KLRG1: variants seen among roughly 807,000 people sequenced by gnomAD.
KLRG1 encodes killer cell lectin-like receptor subfamily G member 1.
KLRG1 carries 16 observed loss-of-function variants against 21.8 expected under a neutral mutation model. That is an observed-to-expected ratio of 0.73 (90% CI 0.50 to 1.11). The LOEUF (loss-of-function observed/expected upper bound fraction) is 1.11. KLRG1 is among the 50% of genes most tolerant of loss of function. The pLI, the probability that KLRG1 is intolerant of heterozygous loss-of-function variation, is 0.00. For synonymous variants in KLRG1, 69 were observed against 75.9 expected, an observed-to-expected ratio of 0.91 and a Z score of 0.47; for missense variants, 173 against 218.3, an observed-to-expected ratio of 0.79 and a Z score of 1.31.
At chr12:8,995,021 G>T in intron 2 of KLRG1, 98 bp from the exon 3 acceptor site, 2 of 1,099,950 alleles carry the variant, frequency 1.8e-6, no homozygotes, top group Non-Finnish European at 2.6e-6. Context: ...TGGTGGAGCA[G>T]GGAAGACCCA....
At chr12:9,196,069 A>G in the KLRG1 span, among the ~76,000 whole-genome samples, 2 of 152,198 alleles carry the variant, frequency 1.3e-5, no homozygotes, top group Non-Finnish European at 2.9e-5. Flanking sequence ...AAGAGGTTTG[A>G]TATAACAACT....
At chr12:9,077,928 G>C in the KLRG1 span, 1 of 1,579,636 alleles carries the variant, frequency 6.3e-7, no homozygotes, top group Non-Finnish European at 8.7e-7. Flanking sequence ...ACAGCAACAG[G>C]CTTCATATGA....
the KLRG1 span, among the ~76,000 whole-genome samples, chr12:9,210,683 T>C: frequency 6.6e-6 from 1 of 152,186 alleles, no homozygotes; most frequent in African/African-American, 2.4e-5. Flanking sequence ...ATACCATTAC[T>C]GGAAAGGAAA....
chr12:8,983,688 G>A (rs766843696), intron 1 of KLRG1, among the ~76,000 whole-genome samples: 15 of 151,966 alleles, frequency 9.9e-5, no homozygotes, highest in Admixed American at 2.6e-4. Flanking sequence ...GCCGTGAACC[G>A]CCGTGCCTGG....
chr12:9,146,609 G>A, the KLRG1 span, among the ~76,000 whole-genome samples: 1 of 151,888 alleles, frequency 6.6e-6, no homozygotes, highest in African/African-American at 2.4e-5. Flanking sequence ...ACAAAGGAAG[G>A]CACCTCTCCC....
At chr12:9,096,392 T>A in the KLRG1 span, among the ~76,000 whole-genome samples, 1 of 152,200 alleles carries the variant, frequency 6.6e-6, no homozygotes, top group Non-Finnish European at 1.5e-5. Context: ...GAAATGATAG[T>A]TTTGTGCTTA....
chr12:9,198,869 G>A, the KLRG1 span, among the ~76,000 whole-genome samples: 1 of 152,180 alleles, frequency 6.6e-6, no homozygotes, highest in African/African-American at 2.4e-5. Context: ...CTCTGAGGCT[G>A]AAATGAGGCA....
At chr12:9,146,985 G>T in the KLRG1 span, among the ~76,000 whole-genome samples, 1 of 152,156 alleles carries the variant, frequency 6.6e-6, no homozygotes, top group Admixed American at 6.5e-5. Context: ...CTAGCAAGGG[G>T]AAGGATTAAT....
At chr12:8,995,314 AG>A (rs769260147) in intron 3 of KLRG1, 26 bp downstream of exon 3, 50 of 1,585,946 alleles carry the variant, frequency 3.2e-5, no homozygotes, top group Admixed American at 3.0e-4. Context: ...TAGAAAATGT[AG>A]GGTTTTTGTT....
intron 1 of KLRG1, among the ~76,000 whole-genome samples, chr12:8,991,725 C>T (rs1946973903): frequency 6.6e-6 from 1 of 152,054 alleles, no homozygotes; most frequent in African/African-American, 2.4e-5. Context: ...ATGTATTTGA[C>T]TGGCCTTTTA....
the KLRG1 span, among the ~76,000 whole-genome samples, chr12:9,175,397 C>T: frequency 6.6e-6 from 1 of 152,042 alleles, no homozygotes; most frequent in Non-Finnish European, 1.5e-5. Context: ...AGGAGATAGG[C>T]GCAGGCAAAG....
At chr12:8,987,634 C>T (rs1011841357), upstream of KLRG1, among the ~76,000 whole-genome samples, 27 of 152,260 alleles carry the variant, frequency 1.8e-4, no homozygotes, top group African/African-American at 6.3e-4. Flanking sequence ...AAACTGAAAC[C>T]CTGTACCCAT....
chr12:8,979,161 C>T (rs1472380779), intron 1 of KLRG1, among the ~76,000 whole-genome samples: 2 of 151,688 alleles, frequency 1.3e-5, no homozygotes, highest in African/African-American at 2.4e-5. Flanking sequence ...ATTACAGATG[C>T]CCATCACCAT....
chr12:9,012,699 A>C (rs866200855), downstream of KLRG1, among the ~76,000 whole-genome samples: 1 of 151,978 alleles, frequency 6.6e-6, no homozygotes, highest in Non-Finnish European at 1.5e-5. Flanking sequence ...GTAGAGCACC[A>C]AGTAAGCACC....
At chr12:9,090,901 T>C in the KLRG1 span, among the ~76,000 whole-genome samples, 1 of 152,174 alleles carries the variant, frequency 6.6e-6, no homozygotes, top group Non-Finnish European at 1.5e-5. Flanking sequence ...AAAAGTTAAA[T>C]ATATGAGATC....
chr12:9,135,943 A>C, the KLRG1 span, among the ~76,000 whole-genome samples: 58 of 148,456 alleles, frequency 3.9e-4, 3 homozygotes, highest in African/African-American at 1.3e-3. Flanking sequence ...GAGGAATTTG[A>C]ACTATCACAC....
the KLRG1 span, chr12:9,127,809 G>T: frequency 4.5e-6 from 1 of 221,176 alleles, no homozygotes. Flanking sequence ...ACAAGGTGCG[G>T]GCTCTGGAGG....
At chr12:9,090,080 A>C in the KLRG1 span, 2 of 1,556,578 alleles carry the variant, frequency 1.3e-6, no homozygotes, top group Non-Finnish European at 1.7e-6. Flanking sequence ...CATGCCTCCA[A>C]ACTCAAGATT....
At chr12:9,215,522 A>G in the KLRG1 span, among the ~76,000 whole-genome samples, 8 of 151,986 alleles carry the variant, frequency 5.3e-5, no homozygotes, top group Admixed American at 2.6e-4. Flanking sequence ...TGTAACTCTT[A>G]ATTTAGAAGA....
Sources: allele counts gnomAD v4.1 joint callset (sites outside exome capture counted in the v4.1 genomes callset), GRCh38; gene constraint gnomAD v4.1.1; transcripts MANE v1.5; gene names NCBI Gene and HGNC (gene_info 2026-07-23, HGNC 2026-07-21).